Variants in RAI1 observed in about 807,000 individuals in gnomAD.
RAI1 encodes retinoic acid induced 1, also known as retinoic acid-induced protein 1.
A neutral mutation model predicts 123.8 loss-of-function variants in RAI1; 9 were observed. That is an observed-to-expected ratio of 0.07 (90% CI 0.04 to 0.13). RAI1 has a LOEUF of 0.13. Among genes scored for constraint, RAI1 ranks in the 10% least tolerant of loss-of-function variants. RAI1 has a pLI of 1.00. For synonymous variants in RAI1, 1,231 were observed against 1,127.3 expected (o/e 1.09, Z -1.84); for missense variants, 2,256 against 2,545.8 (o/e 0.89, Z 2.45).
chr17:17,788,247 T>G (rs2031894345), intron 2 of RAI1, among the ~76,000 whole-genome samples: 2 of 152,114 alleles, frequency 1.3e-5, no homozygotes, highest in Non-Finnish European at 2.9e-5. Flanking sequence ...GTCCTCCATC[T>G]GCCCGAAGCA....
Position 17,810,933 on chromosome 17 carries a change from A to G in RAI1, c.*952A>G, listed in dbSNP as rs964217997. The stretch of plus-strand genomic sequence containing the variant: ...TCTATATATATGTTACATAGAATGT[A>G]TATATGTTGGGAACATGCTCGCTTC... On this transcript the variant is annotated 3_prime_UTR_variant, in exon 6 of 6. Transcript: ENST00000353383. The surrounding 1 kb of genome is among the most constrained non-coding windows in gnomAD (Gnocchi z 4.6). 5 of 355,948 alleles carry G rather than the reference A, an allele frequency of 1.4e-5. No individual in the cohort carries two copies. The highest frequency in any genetic ancestry group is 1.4e-4 in the Admixed American group (4 of 29,378). 22.0% of individuals were successfully genotyped at this position (355,948 alleles called of 1,614,324 possible). A position where few individuals can be genotyped will look rare whatever the true frequency, so the allele number is the denominator to read the frequency against.
chr17:17,688,583 A>C (rs1034480386), intron 1 of RAI1, among the ~76,000 whole-genome samples: 1 of 151,940 alleles, frequency 6.6e-6, no homozygotes, highest in Non-Finnish European at 1.5e-5. Context: ...GCTGTTAGGC[A>C]GTTGTTTTTT....
rs370811456 is a variant in RAI1 at position 17,794,958 on chromosome 17, C to T, written c.2010C>T (p.Ser670=). The T allele has an allele frequency of 3.1e-6, 5 of 1,613,696 alleles. No individual in the cohort carries two copies. The African/African-American group carries it at 6.7e-5, about 22-fold the overall frequency. Residue 670 remains serine (S), a synonymous_variant, in exon 3 of 6, where the codon TCC becomes TCT. Coordinates refer to ENST00000353383, the MANE Select transcript of RAI1 (RefSeq NM_030665.4). ...GGGAGCCGGAGGCCCTGCCCGACTCCTTGCAGCTGGACAAGGGCGGCAATG... is the reference window on the plus strand; with the variant it reads ...GGGAGCCGGAGGCCCTGCCCGACTCTTTGCAGCTGGACAAGGGCGGCAATG... ...RPGEPEALPD[S]LQLDKGGNAK... is the part of the protein sequence containing the mutation.
Position 17,794,046 on chromosome 17 carries a change from C to G in RAI1, c.1098C>G (p.Asn366Lys), listed in dbSNP as rs764337660. The G allele has an allele frequency of 1.2e-6, 2 of 1,614,020 alleles. No homozygotes were observed. Among genetic ancestry groups the G allele is most frequent in the Admixed American group, 3.3e-5 (2 of 60,024 alleles). Residue 366 changes from asparagine to lysine, a missense_variant, in exon 3 of 6, where the codon AAC (asparagine) becomes AAG (lysine). Asn to Lys is a moderately conservative substitution (Grantham distance 94). This residue lies in a region of RAI1 where 357 missense variants were observed against 480.2 expected (regional missense o/e 0.74). Transcript: ENST00000353383. ...YSSTPSPLMPNLENFPYSQQP... is the reference protein window; with the variant it reads ...YSSTPSPLMPKLENFPYSQQP... ...CCACACCGTCGCCGCTGATGCCAAA[C>G]CTGGAGAACTTTCCCTACAGCCAGC...
In RAI1 at chr17:17,762,248, T is replaced by A. The variant is rs1301620885; in HGVS notation, c.-16-30685T>A. On this transcript the variant is annotated intron_variant, in intron 2 of 5. Coordinates refer to ENST00000353383, the MANE Select transcript of RAI1 (RefSeq NM_030665.4). The stretch of plus-strand genomic sequence containing the variant: ...TTAGGCAGGGCAGTCAGGGAGGGCT[T>A]CTCAGATGAGGTGACTGGGCTCATT... Among the ~76,000 whole-genome samples, 3 of 152,012 alleles carry A rather than the reference T, an allele frequency of 2.0e-5. No homozygotes were observed. In the East Asian group the frequency reaches 5.8e-4, roughly 29 times the overall value.
chr17:17,797,766 G>T lies in RAI1; in HGVS notation c.4818G>T (p.Ala1606=), dbSNP rs544133243. The change falls in exon 3 of 6, where the codon GCG becomes GCT. Residue 1606 remains alanine (A), a synonymous_variant. Transcript: ENST00000353383. ...TCGTGCGGGTGGAGAAGCGAGACGC[G>T]TTCACCACCATATGCACTGTTGTCA... ...SPFVRVEKRD[A]FTTICTVVNS... 78 of 1,613,948 alleles carry T rather than the reference G, an allele frequency of 4.8e-5. No individual in the cohort carries two copies. The highest frequency in any genetic ancestry group is 6.3e-5 in the Non-Finnish European group (74 of 1,180,042).
At position 17,727,850 on chromosome 17, in the gene RAI1, C is replaced by T. The variant is rs148225130; in HGVS notation, c.-17+3691C>T. 1.0e-3 allele frequency among the ~76,000 whole-genome samples: 153 copies of T among 152,158 alleles called. 1 individual carries two copies. Among genetic ancestry groups the T allele is most frequent in the African/African-American group, 3.5e-3 (146 of 41,524 alleles). On this transcript the variant is annotated intron_variant, in intron 2 of 5. Transcript: ENST00000353383. ...GGCCCGAGATTCACCCCAGGAGACCCCCCGGGGAGAAGGGAAGGAGAGAGA... is the reference window on the plus strand; with the variant it reads ...GGCCCGAGATTCACCCCAGGAGACCTCCCGGGGAGAAGGGAAGGAGAGAGA...
Position 17,793,119 on chromosome 17 carries a change from G to C in RAI1, c.171G>C (p.Pro57=). The C allele has an allele frequency of 6.2e-7, 1 of 1,613,976 alleles. No homozygotes were observed. Among genetic ancestry groups the C allele is most frequent in the Non-Finnish European group, 8.5e-7 (1 of 1,180,016 alleles). ...AKDYYNPQPY[P]SYEGGAGTPS... is the part of the protein sequence containing the mutation. Reference sequence around the variant, plus strand: ...ACTATTATAACCCGCAGCCTTACCCGAGCTATGAGGGTGGCGCTGGCACGC... The same window carrying C: ...ACTATTATAACCCGCAGCCTTACCCCAGCTATGAGGGTGGCGCTGGCACGC... The change falls in exon 3 of 6, where the codon CCG becomes CCC. Residue 57 remains proline (P), a synonymous_variant. Transcript: ENST00000353383.
chr17:17,801,769 A>G lies in RAI1; in HGVS notation c.5566-1987A>G, dbSNP rs939413506. On this transcript the variant is annotated intron_variant, in intron 3 of 5. Coordinates refer to ENST00000353383, the MANE Select transcript of RAI1 (RefSeq NM_030665.4). The surrounding 1 kb of genome is among the most constrained non-coding windows in gnomAD (Gnocchi z 4.1). ...TTGGGATGGTGCGCCCACCCTGAGCATGTGGGGTCCTGTGGGCCCCTACTC... is the reference window on the plus strand; with the variant it reads ...TTGGGATGGTGCGCCCACCCTGAGCGTGTGGGGTCCTGTGGGCCCCTACTC... Among the ~76,000 whole-genome samples the G allele has an allele frequency of 2.0e-5, 3 of 152,170 alleles. No homozygotes were observed. The highest frequency in any genetic ancestry group is 2.0e-4 in the Admixed American group (3 of 15,272).
At position 17,800,342 on chromosome 17, in the gene RAI1, C is replaced by A. The variant is rs1372714745; in HGVS notation, c.5565+1829C>A. On this transcript the variant is annotated intron_variant, in intron 3 of 5. Transcript: ENST00000353383. The surrounding 1 kb of genome is among the most constrained non-coding windows in gnomAD (Gnocchi z 4.7). ...GGCTGCCACCTCCCCTGCTTCACAGCCCCATTCCTGAAAGCCTTGTCCCCA... is the reference window on the plus strand; with the variant it reads ...GGCTGCCACCTCCCCTGCTTCACAGACCCATTCCTGAAAGCCTTGTCCCCA... Among the ~76,000 whole-genome samples the A allele has an allele frequency of 6.6e-6, 1 of 152,166 alleles. No individual in the cohort carries two copies. Among genetic ancestry groups the A allele is most frequent in the Non-Finnish European group, 1.5e-5 (1 of 68,024 alleles).
At chr17:17,757,068 C>T (rs1466111452) in intron 2 of RAI1, among the ~76,000 whole-genome samples, 1 of 152,178 alleles carries the variant, frequency 6.6e-6, no homozygotes, top group Non-Finnish European at 1.5e-5. Context: ...TACAGAGGAG[C>T]AGATGGAGGC....
chr17:17,753,979 G>A (rs2030321569), intron 2 of RAI1, among the ~76,000 whole-genome samples: 1 of 152,118 alleles, frequency 6.6e-6, no homozygotes, highest in Admixed American at 6.5e-5. Flanking sequence ...TACCTGGGCT[G>A]GGTGGTCTGT....
intron 2 of RAI1, among the ~76,000 whole-genome samples, chr17:17,757,774 C>T (rs541585361): frequency 1.8e-4 from 27 of 152,344 alleles, no homozygotes; most frequent in East Asian, 5.8e-4. Context: ...CACCTGCTCA[C>T]GCTAAAAGGA....
At chr17:17,778,128 T>C (rs2031419296) in intron 2 of RAI1, 2 of 152,572 alleles carry the variant, frequency 1.3e-5, no homozygotes, top group Admixed American at 6.5e-5. Context: ...ACCCGCTGCA[T>C]CAAAATCTGC....
chr17:17,731,104 C>G (rs937699734), intron 2 of RAI1, among the ~76,000 whole-genome samples: 2 of 152,220 alleles, frequency 1.3e-5, no homozygotes, highest in African/African-American at 4.8e-5. Context: ...TGGTAGCCCT[C>G]CTAGAGGTGA....
chr17:17,691,961 G>A (rs1914852404), intron 1 of RAI1, among the ~76,000 whole-genome samples: 3 of 152,224 alleles, frequency 2.0e-5, no homozygotes, highest in Non-Finnish European at 4.4e-5. Context: ...GGGTGAGGGA[G>A]GCGGGAAGTA....
At chr17:17,781,325 G>C (rs533582379) in intron 2 of RAI1, among the ~76,000 whole-genome samples, 1 of 152,332 alleles carries the variant, frequency 6.6e-6, no homozygotes, top group Non-Finnish European at 1.5e-5. Flanking sequence ...TGGGTCTCCA[G>C]GATTGGGCAC....
chr17:17,746,605 A>G (rs558316810), intron 2 of RAI1, among the ~76,000 whole-genome samples: 1 of 142,558 alleles, frequency 7.0e-6, no homozygotes, highest in Non-Finnish European at 1.5e-5. Flanking sequence ...AGAGCACCAT[A>G]TGTGTTTTCT....
At chr17:17,694,699 C>T in intron 1 of RAI1, among the ~76,000 whole-genome samples, 1 of 151,270 alleles carries the variant, frequency 6.6e-6, no homozygotes, top group South Asian at 2.1e-4. Flanking sequence ...GCGGTCGGGG[C>T]CCGCGACGCC....
Sources: allele counts gnomAD v4.1 joint callset (sites outside exome capture counted in the v4.1 genomes callset), GRCh38; gene constraint gnomAD v4.1.1; regional missense constraint gnomAD v4.1.1; non-coding constraint Gnocchi (gnomAD v3.1); transcripts MANE v1.5; gene names NCBI Gene and HGNC (gene_info 2026-07-23, HGNC 2026-07-21).